Variants in POLR3A observed in about 807,000 individuals in gnomAD.
The protein encoded by POLR3A is RNA polymerase III subunit A, also known as DNA-directed RNA polymerase III subunit RPC1.
POLR3A carries 112 observed loss-of-function variants against 152.8 expected under a neutral mutation model. The ratio of observed to expected loss-of-function variants is 0.73; its 90% CI spans 0.63 to 0.86. The LOEUF is 0.86. POLR3A is among the 40% of genes least tolerant of loss of function. POLR3A has a pLI of 0.00. For missense variants in POLR3A, 1,385 were observed against 1,743.1 expected (o/e 0.79, Z 3.66); for synonymous variants, 615 against 652.1 (o/e 0.94, Z 0.87).
intron 27 of POLR3A, 81 bp from the exon 28 acceptor site, chr10:77,982,399 G>A: frequency 7.3e-7 from 1 of 1,361,260 alleles, no homozygotes; most frequent in East Asian, 2.3e-5. Context: ...CCAGCTTTCA[G>A]CAGTGGTCAT....
At chr10:78,011,897 T>C (rs1847470092) in intron 11 of POLR3A, among the ~76,000 whole-genome samples, 3 of 152,220 alleles carry the variant, frequency 2.0e-5, no homozygotes, top group Admixed American at 2.0e-4. Flanking sequence ...GTTTTATTAT[T>C]GCCATTTGTA....
chr10:77,981,748 G>A (rs563130872), intron 28 of POLR3A, among the ~76,000 whole-genome samples, 189 bp from the exon 29 acceptor site: 17 of 151,916 alleles, frequency 1.1e-4, no homozygotes, highest in African/African-American at 4.1e-4. Flanking sequence ...TGGGAGGCCG[G>A]GCACAGTGGC....
rs774508865 is a variant in POLR3A, at chr10:77,981,549, G to A, written c.3770C>T (p.Thr1257Ile). Residue 1257 changes from threonine to isoleucine, a missense_variant, in exon 29 of 31, where the codon ACT (threonine) becomes ATT (isoleucine). Coordinates refer to ENST00000372371, the MANE Select transcript of POLR3A (RefSeq NM_007055.4). ...TGTCCGGGCGGCCTCGATGCCCAGAGTTTTCTCCACCTACAGAGAGCCAGT... is the reference window on the plus strand; with the variant it reads ...TGTCCGGGCGGCCTCGATGCCCAGAATTTTCTCCACCTACAGAGAGCCAGT... The part of the protein sequence containing the change: ...TSNNTYEVEK[T>I]LGIEAARTTI... 1.2e-6 allele frequency: 2 copies of A among 1,614,044 alleles called. No homozygotes were observed. Among genetic ancestry groups the A allele is most frequent in the Admixed American group, 3.3e-5 (2 of 60,016 alleles).
intron 28 of POLR3A, 102 bp from the exon 29 acceptor site, chr10:77,981,661 G>T: frequency 7.1e-7 from 1 of 1,411,672 alleles, no homozygotes; most frequent in Non-Finnish European, 1.0e-6. Context: ...CAAACCCTGT[G>T]CCGTTTTCCA....
intron 28 of POLR3A, 82 bp downstream of exon 28, chr10:77,982,072 A>G: frequency 1.3e-6 from 1 of 751,236 alleles, no homozygotes; most frequent in Non-Finnish European, 2.3e-6. Flanking sequence ...AAAAAGAAGT[A>G]TACTGGGAAT....
At chr10:78,008,900 T>C (rs1847436377) in intron 14 of POLR3A, among the ~76,000 whole-genome samples, 1 of 149,546 alleles carries the variant, frequency 6.7e-6, no homozygotes, top group Non-Finnish European at 1.5e-5. Flanking sequence ...CTCATGCCTA[T>C]AATCCCAGCA....
chr10:78,019,334 C>G (rs80017246), intron 8 of POLR3A, 69 bp from the exon 9 acceptor site: 1 of 1,043,022 alleles, frequency 9.6e-7, no homozygotes, highest in East Asian at 2.4e-5. Flanking sequence ...TACTGAAATG[C>G]GTCTTAATCT....
chr10:78,000,008 T>C lies in POLR3A; in HGVS notation c.2589A>G (p.Val863=), dbSNP rs756166960. 2 of 1,614,164 alleles carry C rather than the reference T, an allele frequency of 1.2e-6. No individual in the cohort carries two copies. The highest frequency in any genetic ancestry group is 2.2e-5 in the South Asian group (2 of 91,082). The part of the protein sequence containing the change: ...AGREGLVDTA[V]KTAETGYMQR... ...GCATGTATCCCGTTTCAGCTGTCTT[T>C]ACAGCCGTGTCGACTAGACCTTCCC... Residue 863 remains valine, a synonymous_variant, in exon 19 of 31, where the codon GTA becomes GTG. Coordinates refer to ENST00000372371, the MANE Select transcript of POLR3A (RefSeq NM_007055.4).
intron 5 of POLR3A, 148 bp downstream of exon 5, chr10:78,024,401 A>C (rs988835117): frequency 1.4e-5 from 9 of 627,486 alleles, no homozygotes; most frequent in Admixed American, 2.7e-5. Flanking sequence ...GAATTATCGG[A>C]GAGCTGTCGA....
intron 1 of POLR3A, among the ~76,000 whole-genome samples, chr10:78,028,743 T>C (rs1384974829): frequency 6.6e-6 from 1 of 151,914 alleles, no homozygotes; most frequent in African/African-American, 2.4e-5. Context: ...GCTCAGGAGA[T>C]TCACCCGCTT....
intron 11 of POLR3A, among the ~76,000 whole-genome samples, chr10:78,011,514 AG>A (rs1485711324): frequency 6.6e-6 from 1 of 152,140 alleles, no homozygotes; most frequent in Non-Finnish European, 1.5e-5. Context: ...TCTCAGACAA[AG>A]GCCCATTACC....
intron 14 of POLR3A, among the ~76,000 whole-genome samples, chr10:78,008,883 G>A (rs7915408): frequency 0.054 from 8,141 of 151,490 alleles, 719 homozygotes; most frequent in African/African-American, 0.18. Context: ...CAGGCTGGGT[G>A]CAGTGGCTCA....
chr10:78,000,167 C>G (rs376002869), intron 18 of POLR3A, 49 bp from the exon 19 acceptor site: 2 of 1,579,360 alleles, frequency 1.3e-6, no homozygotes, highest in Admixed American at 3.5e-5. Flanking sequence ...AGTTCAAGGC[C>G]CACGATTCTG....
chr10:78,000,058 A>T lies in POLR3A; in HGVS notation c.2539T>A (p.Phe847Ile). The T allele has an allele frequency of 6.2e-7, 1 of 1,614,054 alleles. No homozygotes were observed. The highest frequency in any genetic ancestry group is 2.2e-5 in the East Asian group (1 of 44,880). ...CGGCCGGCCATTGTGTGGAAGAAAAACTCAGTTGGTGTCAAACCGGAATAA... is the reference window on the plus strand; with the variant it reads ...CGGCCGGCCATTGTGTGGAAGAAAATCTCAGTTGGTGTCAAACCGGAATAA... ...SFYSGLTPTE[F>I]FFHTMAGREG... The change falls in exon 19 of 31, where the codon TTT (phenylalanine) becomes ATT (isoleucine). Residue 847 changes from phenylalanine (F) to isoleucine (I), a missense_variant. Physicochemically the swap from Phe to Ile is conservative, Grantham distance 21. Coordinates refer to ENST00000372371, the MANE Select transcript of POLR3A (RefSeq NM_007055.4).
chr10:77,977,630 A>C lies in POLR3A; in HGVS notation c.4025-4T>G. Reference sequence around the variant, plus strand: ...ATGATGATGCACTCAGACACCCCTGAAACCAACCAGAATGAACATCAGAGA... The same window carrying C: ...ATGATGATGCACTCAGACACCCCTGCAACCAACCAGAATGAACATCAGAGA... On this transcript the variant is annotated splice_polypyrimidine_tract_variant and splice_region_variant and intron_variant, in intron 30 of 30. Transcript: ENST00000372371. 1 of 1,612,756 alleles carries C rather than the reference A, an allele frequency of 6.2e-7. No individual in the cohort carries two copies. The highest frequency in any genetic ancestry group is 8.5e-7 in the Non-Finnish European group (1 of 1,178,738).
In POLR3A at chr10:78,002,249, C is replaced by A; in HGVS notation, c.2307G>T (p.Arg769=). ...GGGGGCTGTTGCTCTTGTCCAGCTCCCGGAGGCAGGCACTGCCAGCGTGGT... is the reference window on the plus strand; with the variant it reads ...GGGGGCTGTTGCTCTTGTCCAGCTCACGGAGGCAGGCACTGCCAGCGTGGT... The part of the protein sequence containing the change: ...IRDHAGSACL[R]ELDKSNSPLT... The change falls in exon 17 of 31, where the codon CGG becomes CGT. Residue 769 remains arginine, a synonymous_variant. Coordinates refer to ENST00000372371, the MANE Select transcript of POLR3A (RefSeq NM_007055.4). 1 of 1,604,696 alleles carries A rather than the reference C, an allele frequency of 6.2e-7. No individual in the cohort carries two copies. Among genetic ancestry groups the A allele is most frequent in the Non-Finnish European group, 8.5e-7 (1 of 1,176,356 alleles).
At chr10:77,990,950 T>G in intron 21 of POLR3A, 104 bp downstream of exon 21, 1 of 724,002 alleles carries the variant, frequency 1.4e-6, no homozygotes, top group Non-Finnish European at 2.5e-6. Context: ...CAACCCTACC[T>G]TAAAAAACAA....
intron 21 of POLR3A, among the ~76,000 whole-genome samples, 164 bp downstream of exon 21, chr10:77,990,890 A>C (rs1207922371): frequency 6.6e-6 from 1 of 152,198 alleles, no homozygotes; most frequent in Non-Finnish European, 1.5e-5. Flanking sequence ...CTGGGATTAC[A>C]GGCATGAGCC....
Position 78,000,102 on chromosome 10 carries a change from C to G in POLR3A, c.2495G>C (p.Gly832Ala). 1.2e-6 allele frequency: 2 copies of G among 1,614,082 alleles called. No homozygotes were observed. Among genetic ancestry groups the G allele is most frequent in the Non-Finnish European group, 1.7e-6 (2 of 1,180,012 alleles). The change falls in exon 19 of 31, where the codon GGC becomes GCC. Residue 832 changes from glycine to alanine, a missense_variant. Gly to Ala is a moderately conservative substitution (Grantham distance 60). This residue lies in a region of POLR3A where 170 missense variants were observed against 231.2 expected (regional missense o/e 0.74). Transcript: ENST00000372371. Reference protein sequence around the residue: ...EKHSKLPAAKGFVANSFYSGL... With the variant: ...EKHSKLPAAKAFVANSFYSGL... The stretch of plus-strand genomic sequence containing the variant: ...GGAATAAAAGCTATTAGCCACAAAG[C>G]CTTTGGCAGCTGGGAGCTAAAGAGA...
Sources: gnomAD v4.1 joint callset for allele counts (sites outside exome capture counted in the v4.1 genomes callset) on GRCh38, gnomAD v4.1.1 for gene constraint, gnomAD v4.1.1 regional missense constraint, MANE v1.5 for transcripts, NCBI Gene and HGNC (gene_info 2026-07-23, HGNC 2026-07-21) for gene names.